TTN: variants seen among roughly 807,000 people sequenced by gnomAD.
TTN encodes the protein connectin.
In TTN, 1,525 loss-of-function variants were observed where a neutral mutation model predicts 3,223.0. That is an observed-to-expected ratio of 0.47 (90% confidence interval 0.45 to 0.49). TTN has a LOEUF of 0.49. Ranked by LOEUF, TTN falls within the 20% of genes least tolerant of loss-of-function variation. TTN has a pLI of 0.00. For missense variants in TTN, 40,786 were observed against 43,424.0 expected (o/e 0.94, Z 5.40); for synonymous variants, 14,094 against 15,161.0 (o/e 0.93, Z 5.17).
At chr2:178,608,131 G>A (rs369858081) in intron 275 of TTN, 47 bp downstream of exon 275, 47 of 1,603,870 alleles carry the variant, frequency 2.9e-5, no homozygotes, top group Non-Finnish European at 8.5e-6. Context: ...GTTTTAAAAT[G>A]TACAATAGCT....
intron 1 of TTN, among the ~76,000 whole-genome samples, chr2:178,806,398 G>A (rs1428778120): frequency 6.6e-6 from 1 of 152,182 alleles, no homozygotes; most frequent in Non-Finnish European, 1.5e-5. Flanking sequence ...AAATCAAAGT[G>A]TATTTAGAAG....
In TTN at chr2:178,613,295, G is replaced by A. The variant is rs769277671; in HGVS notation, c.49533-19C>T. 1 of 1,558,364 alleles carries A rather than the reference G, an allele frequency of 6.4e-7. No homozygotes were observed. Among genetic ancestry groups the A allele is most frequent in the Non-Finnish European group, 8.8e-7 (1 of 1,137,390 alleles). ...TTTCACTCTGAATTAGGAACAAAGT[G>A]CATGTGTATCATCATGGTAAGAAGC... On this transcript the variant is annotated intron_variant, in intron 263 of 362. Transcript: ENST00000589042.
In TTN at chr2:178,589,003, G is replaced by A. The variant is rs543860009; in HGVS notation, c.62722C>T (p.Arg20908Ter). The A allele has an allele frequency of 6.2e-7, 1 of 1,611,284 alleles. No homozygotes were observed. The highest frequency in any genetic ancestry group is 8.5e-7 in the Non-Finnish European group (1 of 1,179,296). The change falls in exon 304 of 363, where the codon CGA (arginine) becomes TGA (stop). Residue 20908 changes from arginine to a stop codon, truncating the protein, a stop_gained. Coordinates refer to ENST00000589042, the MANE Select transcript of TTN (RefSeq NM_001267550.2). LOFTEE classifies it high-confidence loss of function. ...GCAGAATAGGTAGACCAAACCATTC[G>A]CTTTGTCTCACATTTTTCTAGAATA... ...NYILEKCETK[R>*]MVWSTYSATV...
intron 106 of TTN, among the ~76,000 whole-genome samples, chr2:178,703,843 T>G (rs1679318141): frequency 6.6e-6 from 1 of 152,238 alleles, no homozygotes; most frequent in South Asian, 2.1e-4. Flanking sequence ...TTCCTAGCTT[T>G]CTTTCTACAA....
Position 178,544,299 on chromosome 2 carries a change from A to G in TTN, c.95930T>C (p.Met31977Thr), listed in dbSNP as rs1481950216. 7 of 1,613,758 alleles carry G rather than the reference A, an allele frequency of 4.3e-6. No individual in the cohort carries two copies. The highest frequency in any genetic ancestry group is 2.2e-5 in the East Asian group (1 of 44,858). Reference sequence around the variant, plus strand: ...AACTCTGAAGGAATATTTCTGGCCCATTTTAAGGTCTGGCACAGTGAATTC... The same window carrying G: ...AACTCTGAAGGAATATTTCTGGCCCGTTTTAAGGTCTGGCACAGTGAATTC... ...NTEFTVPDLK[M>T]GQKYSFRVAA... Residue 31977 changes from methionine (M) to threonine (T), a missense_variant, in exon 345 of 363, where the codon ATG becomes ACG. Coordinates refer to ENST00000589042, the MANE Select transcript of TTN (RefSeq NM_001267550.2).
chr2:178,594,157 G>A lies in TTN; in HGVS notation c.58236C>T (p.Gly19412=). The change falls in exon 297 of 363, where the codon GGC becomes GGT. Residue 19412 remains glycine (G), a synonymous_variant. Transcript: ENST00000589042. The stretch of plus-strand genomic sequence containing the variant: ...ACCAGGAAACCTTAGGCTTTGGTTT[G>A]CCTGAGTAACGGCCAGTGAGGGCAA... The part of the protein sequence containing the change: ...EAFALTGRYS[G]KPKPKVSWFK... The A allele has an allele frequency of 6.2e-7, 1 of 1,613,364 alleles. No individual in the cohort carries two copies. Among genetic ancestry groups the A allele is most frequent in the Non-Finnish European group, 8.5e-7 (1 of 1,179,608 alleles).
At chr2:178,671,828 T>C in intron 155 of TTN, 143 bp downstream of exon 155, 1 of 802,328 alleles carries the variant, frequency 1.2e-6, no homozygotes, top group South Asian at 1.9e-5. Context: ...TAAGAGATAT[T>C]AATCTTTGTG....
Position 178,620,612 on chromosome 2 carries a change from C to A in TTN, c.45909G>T (p.Arg15303Ser). The A allele has an allele frequency of 6.2e-7, 1 of 1,608,152 alleles. No homozygotes were observed. Among genetic ancestry groups the A allele is most frequent in the Non-Finnish European group, 8.5e-7 (1 of 1,177,914 alleles). ...ANLIVEEEDL[R>S]IVEPLKDIET... ...CAATATCTTTAAGAGGCTCAACAAT[C>A]CTAAGGTCTTCCTCTGTTGTAAAGG... The change falls in exon 248 of 363, where the codon AGG (arginine) becomes AGT (serine). Residue 15303 changes from arginine (R) to serine (S), a missense_variant. By Grantham distance (110) the Arg-to-Ser change is moderately radical. Transcript: ENST00000589042.
chr2:178,701,949 A>T (rs2075075781), intron 109 of TTN, 91 bp downstream of exon 109: 9 of 1,235,808 alleles, frequency 7.3e-6, no homozygotes, highest in Admixed American at 4.5e-5. Flanking sequence ...AAAGAGAAAG[A>T]TATCTTATAC....
rs1275050402 is a variant in TTN at position 178,569,370 on chromosome 2, C to T, written c.76762G>A (p.Gly25588Arg). Residue 25588 changes from glycine (G) to arginine (R), a missense_variant, in exon 326 of 363, where the codon GGA (glycine) becomes AGA (arginine). Coordinates refer to ENST00000589042, the MANE Select transcript of TTN (RefSeq NM_001267550.2). ...KYTLTLENSSGTKSAFVTVRV... is the reference protein window; with the variant it reads ...KYTLTLENSSRTKSAFVTVRV... The stretch of plus-strand genomic sequence containing the variant: ...ACAGTAACAAAGGCAGACTTTGTTC[C>T]ACTGCTGTTTTCTAATGTAAGCGTA... 2 of 1,613,264 alleles carry T rather than the reference C, an allele frequency of 1.2e-6. No homozygotes were observed. Among genetic ancestry groups the T allele is most frequent in the Non-Finnish European group, 1.7e-6 (2 of 1,179,560 alleles).
At position 178,771,933 on chromosome 2, in the gene TTN, G is replaced by A. The variant is rs151320824; in HGVS notation, c.7856-462C>T. 1.6e-4 allele frequency among the ~76,000 whole-genome samples: 25 copies of A among 152,148 alleles called. No individual in the cohort carries two copies. The East Asian group carries it at 4.1e-3, about 25-fold the overall frequency. ...AAAAATCACTGTGTTGGCAAATGTC[G>A]CCCATTCTATGAAGTTTCACCCCAT... On this transcript the variant is annotated intron_variant, in intron 33 of 362. Coordinates refer to ENST00000589042, the MANE Select transcript of TTN (RefSeq NM_001267550.2).
At chr2:178,722,189 G>A (rs908683377) in intron 77 of TTN, 55 bp from the exon 78 acceptor site, 1 of 1,529,132 alleles carries the variant, frequency 6.5e-7, no homozygotes, top group South Asian at 1.3e-5. Flanking sequence ...TTTGCCATTG[G>A]TCGTTTCTAC....
Position 178,663,670 on chromosome 2 carries a change from C to A in TTN, c.36489G>T (p.Ala12163=), listed in dbSNP as rs115493456. ...CAGGCTCTTTAGGAGGAGCCACTGG[C>A]GCTTTCTTTTCAGGAACTACTTCTT... ...PPKEVVPEKK[A]PVAPPKEPEV... The change falls in exon 171 of 363, where the codon GCG becomes GCT. Residue 12163 remains alanine (A), a synonymous_variant. Transcript: ENST00000589042. 1.2e-6 allele frequency: 2 copies of A among 1,613,564 alleles called. No individual in the cohort carries two copies. The highest frequency in any genetic ancestry group is 1.7e-5 in the Admixed American group (1 of 59,936).
intron 330 of TTN, 121 bp downstream of exon 330, chr2:178,556,727 C>T: frequency 1.7e-6 from 2 of 1,200,398 alleles, no homozygotes; most frequent in Non-Finnish European, 2.3e-6. Context: ...TCCATAATTT[C>T]TTCCAAAAAC....
At position 178,528,274 on chromosome 2, in the gene TTN, G is replaced by A. The variant is rs1337678636; in HGVS notation, c.107377C>T (p.Pro35793Ser). The change falls in exon 361 of 363, where the codon CCT becomes TCT. Residue 35793 changes from proline to serine, a missense_variant and splice_region_variant. By Grantham distance (74) the Pro-to-Ser change is moderately conservative. Coordinates refer to ENST00000589042, the MANE Select transcript of TTN (RefSeq NM_001267550.2). ...GGAAGAAGGGTGAGGAGATACTTAC[G>A]AAGGACCATTAAGGAAGCTGTAGCT... Reference protein sequence around the residue: ...CSATASLMVLPLVEEPSREVV... With the variant: ...CSATASLMVLSLVEEPSREVV... 5.0e-6 allele frequency: 8 copies of A among 1,613,406 alleles called. No homozygotes were observed. The highest frequency in any genetic ancestry group is 2.2e-5 in the East Asian group (1 of 44,878).
intron 167 of TTN, 43 bp downstream of exon 167, chr2:178,664,611 A>G (rs762721139): frequency 2.5e-6 from 4 of 1,607,742 alleles, no homozygotes; most frequent in Non-Finnish European, 1.7e-6. Context: ...TTTATACAAG[A>G]AAAGACATGT....
intron 263 of TTN, among the ~76,000 whole-genome samples, chr2:178,613,513 C>G (rs966516042): frequency 6.6e-5 from 10 of 151,916 alleles, no homozygotes; most frequent in African/African-American, 2.4e-4. Flanking sequence ...TCATAATATA[C>G]TGGGGGATCA....
chr2:178,724,440 C>A lies in TTN; in HGVS notation c.20935G>T (p.Val6979Phe). Reference protein sequence around the residue: ...CKVAGTPELSVEWYKDGKLLT... With the variant: ...CKVAGTPELSFEWYKDGKLLT... ...AGCTTTCCATCCTTGTACCATTCAA[C>A]AGAGAGTTCCGGAGTGCCAGCCACC... The change falls in exon 72 of 363, where the codon GTT becomes TTT. Residue 6979 changes from valine to phenylalanine, a missense_variant. Coordinates refer to ENST00000589042, the MANE Select transcript of TTN (RefSeq NM_001267550.2). 6.2e-7 allele frequency: 1 copy of A among 1,613,458 alleles called. No individual in the cohort carries two copies. Among genetic ancestry groups the A allele is most frequent in the Non-Finnish European group, 8.5e-7 (1 of 1,179,552 alleles).
rs776803516 is a variant in TTN at position 178,609,725 on chromosome 2, G to A, written c.51698C>T (p.Pro17233Leu). The A allele has an allele frequency of 3.1e-6, 5 of 1,609,346 alleles. No individual in the cohort carries two copies. In the Admixed American group the frequency reaches 6.7e-5, roughly 22 times the overall value. The change falls in exon 272 of 363, where the codon CCT becomes CTT. Residue 17233 changes from proline (P) to leucine (L), a missense_variant. Physicochemically the swap from Pro to Leu is moderately conservative, Grantham distance 98. Coordinates refer to ENST00000589042, the MANE Select transcript of TTN (RefSeq NM_001267550.2). ...RAENAAGISE[P>L]SRATPPTKAV... ...TTTGGTTGGAGGAGTAGCCCGAGAA[G>A]GTTCACTAATACCCGCGGCGTTCTC...
Sources: allele counts gnomAD v4.1 joint callset (sites outside exome capture counted in the v4.1 genomes callset), GRCh38; gene constraint gnomAD v4.1.1; transcripts MANE v1.5; gene names NCBI Gene and HGNC (gene_info 2026-07-23, HGNC 2026-07-21).